SNTG1: variants seen among roughly 807,000 people sequenced by gnomAD.
SNTG1 encodes gamma-1-syntrophin.
A neutral mutation model predicts 74.7 loss-of-function variants in SNTG1; 39 were observed. The observed-to-expected ratio is 0.52, with a 90% CI of 0.40 to 0.68. The LOEUF (loss-of-function observed/expected upper bound fraction) is 0.68, where lower values mean the gene tolerates loss of function less well. SNTG1 is among the 30% of genes least tolerant of loss of function. The pLI is 0.00. For synonymous variants in SNTG1, 254 were observed against 217.1 expected (o/e 1.17, Z -1.49); for missense variants, 685 against 609.5 (o/e 1.12, Z -1.30).
At chr8:50,668,942 C>T (rs758298179) in intron 15 of SNTG1, among the ~76,000 whole-genome samples, 6 of 151,956 alleles carry the variant, frequency 3.9e-5, no homozygotes, top group South Asian at 2.1e-4. Flanking sequence ...AGTAAACATA[C>T]GTGTGCATGT....
chr8:50,526,102 A>G (rs950649094), intron 9 of SNTG1, among the ~76,000 whole-genome samples: 1 of 151,988 alleles, frequency 6.6e-6, no homozygotes, highest in Admixed American at 6.6e-5. Flanking sequence ...TCCTGACCTT[A>G]TAATTACTAT....
Position 50,502,812 on chromosome 8 carries a change from C to T in SNTG1, c.398C>T (p.Thr133Ile). 6.2e-7 allele frequency: 1 copy of T among 1,613,256 alleles called. No individual in the cohort carries two copies. The highest frequency in any genetic ancestry group is 8.5e-7 in the Non-Finnish European group (1 of 1,179,556). The change falls in exon 9 of 19, where the codon ACT becomes ATT. Residue 133 changes from threonine (T) to isoleucine (I), a missense_variant. Physicochemically the swap from Thr to Ile is moderately conservative, Grantham distance 89. Coordinates refer to ENST00000642720, the MANE Select transcript of SNTG1 (RefSeq NM_018967.5). ...CTTCGGAATGCTGGAGAAGAAGTGA[C>T]TCTAACAGTGTCATTTTTAAAAAGA... is the stretch of plus-strand genomic sequence containing the variant. ...QVLRNAGEEV[T>I]LTVSFLKRAP...
intron 2 of SNTG1, among the ~76,000 whole-genome samples, chr8:50,198,471 C>G (rs2083863205): frequency 6.6e-6 from 1 of 152,114 alleles, no homozygotes; most frequent in Non-Finnish European, 1.5e-5. Flanking sequence ...AGCCTTGACA[C>G]AGTCCTCAGG....
chr8:50,706,903 A>C (rs1248090338), intron 16 of SNTG1, among the ~76,000 whole-genome samples: 1 of 152,070 alleles, frequency 6.6e-6, no homozygotes, highest in Non-Finnish European at 1.5e-5. Flanking sequence ...AAAGAAAAAA[A>C]TTAATGAATT....
chr8:50,580,541 G>A (rs1056655823), intron 12 of SNTG1, among the ~76,000 whole-genome samples: 5 of 152,172 alleles, frequency 3.3e-5, no homozygotes, highest in African/African-American at 1.2e-4. Flanking sequence ...TGTGTCATGG[G>A]AGGAACCCAG....
rs147691776 is a variant in SNTG1, at chr8:50,346,613, A to C, written c.-27-47599A>C. Among the ~76,000 whole-genome samples, 473 of 152,382 alleles carry C rather than the reference A, an allele frequency of 3.1e-3. 2 individuals carry two copies. Among genetic ancestry groups the C allele is most frequent in the African/African-American group, 0.011 (451 of 41,590 alleles). On this transcript the variant is annotated intron_variant, in intron 2 of 18. Coordinates refer to ENST00000642720, the MANE Select transcript of SNTG1 (RefSeq NM_018967.5). ...AGAAAGGCATGTGAAAAGCTGAAAT[A>C]AGCTGAAAGCTAGGCCTCTTGTGCC...
intron 15 of SNTG1, among the ~76,000 whole-genome samples, chr8:50,682,741 C>A (rs897789243): frequency 3.9e-5 from 6 of 152,068 alleles, no homozygotes; most frequent in African/African-American, 1.2e-4. Flanking sequence ...TAAGATCTGT[C>A]CCCCAACACC....
At chr8:50,167,663 A>G (rs1316631769) in intron 1 of SNTG1, among the ~76,000 whole-genome samples, 2 of 151,764 alleles carry the variant, frequency 1.3e-5, no homozygotes, top group Non-Finnish European at 2.9e-5. Context: ...AAATACAAAA[A>G]TTGGCCAGAC....
At chr8:50,553,282 A>G in intron 12 of SNTG1, 103 bp downstream of exon 12, 2 of 1,418,560 alleles carry the variant, frequency 1.4e-6, no homozygotes, top group Non-Finnish European at 1.9e-6. Flanking sequence ...TTCTTCTCAG[A>G]ATGAGACATT....
chr8:50,285,988 C>T (rs766385271), intron 2 of SNTG1, among the ~76,000 whole-genome samples: 5 of 151,946 alleles, frequency 3.3e-5, no homozygotes, highest in Admixed American at 6.6e-5. Context: ...TTCACAATTG[C>T]CATTTTGTTT....
chr8:50,405,963 G>A (rs1303838877), intron 4 of SNTG1, among the ~76,000 whole-genome samples: 3 of 152,054 alleles, frequency 2.0e-5, no homozygotes, highest in Non-Finnish European at 4.4e-5. Flanking sequence ...GTAACGCACA[G>A]TTATGCCTTT....
intron 1 of SNTG1, among the ~76,000 whole-genome samples, chr8:50,156,717 G>A (rs2082266428): frequency 6.6e-6 from 1 of 151,938 alleles, no homozygotes; most frequent in African/African-American, 2.4e-5. Context: ...TCTGATCAAG[G>A]ACCCAGGCAT....
At chr8:50,610,502 A>C (rs1268443819) in intron 13 of SNTG1, among the ~76,000 whole-genome samples, 3 of 152,184 alleles carry the variant, frequency 2.0e-5, no homozygotes, top group Non-Finnish European at 2.9e-5. Flanking sequence ...TTCTAGGGTC[A>C]ACCTGTTAAA....
intron 2 of SNTG1, among the ~76,000 whole-genome samples, chr8:50,339,880 C>T (rs1324156795): frequency 6.6e-6 from 1 of 151,850 alleles, no homozygotes; most frequent in East Asian, 1.9e-4. Flanking sequence ...GACAGACTTT[C>T]TGTGTAGATA....
chr8:50,131,173 A>G lies in SNTG1; in HGVS notation c.-102-41388A>G, dbSNP rs150765744. Among the ~76,000 whole-genome samples the G allele has an allele frequency of 2.6e-4, 40 of 152,242 alleles. No individual in the cohort carries two copies. The East Asian group carries it at 7.5e-3, about 29-fold the overall frequency. On this transcript the variant is annotated intron_variant, in intron 1 of 18. Coordinates refer to ENST00000642720, the MANE Select transcript of SNTG1 (RefSeq NM_018967.5). ...AAATATGTGTATTATAAATCAACAC[A>G]TTTATGACAGTGTTTGCTTTCAGTG...
At chr8:50,704,522 C>G (rs928943115) in intron 15 of SNTG1, 78 bp from the exon 16 acceptor site, 3 of 1,587,006 alleles carry the variant, frequency 1.9e-6, no homozygotes, top group Non-Finnish European at 1.7e-6. Flanking sequence ...GCTTCTGCAC[C>G]TTGGTCCAGT....
chr8:49,993,369 G>T (rs1048575512), intron 1 of SNTG1, among the ~76,000 whole-genome samples: 3 of 148,324 alleles, frequency 2.0e-5, no homozygotes, highest in South Asian at 2.1e-4. Flanking sequence ...TTTTTCTGAG[G>T]TTTTTTTTTT....
chr8:50,247,863 T>C (rs1195931588), intron 2 of SNTG1, among the ~76,000 whole-genome samples: 3 of 152,070 alleles, frequency 2.0e-5, no homozygotes, highest in Non-Finnish European at 4.4e-5. Context: ...ATGAGCTTTT[T>C]GAAGACCCTT....
intron 15 of SNTG1, among the ~76,000 whole-genome samples, chr8:50,698,963 C>A (rs1489679726): frequency 6.6e-6 from 1 of 152,172 alleles, no homozygotes; most frequent in Non-Finnish European, 1.5e-5. Flanking sequence ...TCTTCTTTTT[C>A]TGGTCAGATT....
Sources: allele counts gnomAD v4.1 joint callset (sites outside exome capture counted in the v4.1 genomes callset), GRCh38; gene constraint gnomAD v4.1.1; transcripts MANE v1.5; gene names NCBI Gene and HGNC (gene_info 2026-07-23, HGNC 2026-07-21).